The following CNTN4 variants were observed in gnomAD, a reference collection of about 807,000 sequenced individuals.
CNTN4 encodes contactin-4.
A neutral mutation model predicts 122.5 loss-of-function variants in CNTN4; 77 were observed. The observed-to-expected ratio is 0.63, with a 90% CI of 0.52 to 0.76. The LOEUF (loss-of-function observed/expected upper bound fraction) is 0.76, where lower values mean the gene tolerates loss of function less well. Ranked by LOEUF, CNTN4 falls within the 30% of genes least tolerant of loss-of-function variation. The pLI is 0.00. For synonymous variants in CNTN4, 512 were observed against 447.0 expected (o/e 1.15, Z -1.83); for missense variants, 1,256 against 1,259.1 (o/e 1.00, Z 0.04).
At chr3:2,188,746 C>G (rs2037390742) in intron 2 of CNTN4, among the ~76,000 whole-genome samples, 1 of 152,112 alleles carries the variant, frequency 6.6e-6, no homozygotes, top group Non-Finnish European at 1.5e-5. Flanking sequence ...GGGTGGGAAA[C>G]AGGTTGCAGC....
intron 13 of CNTN4, among the ~76,000 whole-genome samples, chr3:2,942,608 T>C (rs1022720064): frequency 2.0e-5 from 3 of 152,124 alleles, no homozygotes; most frequent in Non-Finnish European, 4.4e-5. Flanking sequence ...AATATAGAGC[T>C]TTTTAATGGT....
chr3:3,054,415 A>G (rs551535700), intron 24 of CNTN4, among the ~76,000 whole-genome samples: 6 of 152,212 alleles, frequency 3.9e-5, no homozygotes, highest in African/African-American at 1.4e-4. Context: ...GGAATTTACT[A>G]CTTATTTTCA....
chr3:2,950,129 A>G (rs989093801), intron 13 of CNTN4, among the ~76,000 whole-genome samples: 4 of 152,222 alleles, frequency 2.6e-5, no homozygotes, highest in African/African-American at 9.6e-5. Flanking sequence ...GTGGACTTGC[A>G]GAGACTCATG....
chr3:2,142,762 G>A (rs1233438047), intron 2 of CNTN4, among the ~76,000 whole-genome samples: 1 of 152,218 alleles, frequency 6.6e-6, no homozygotes, highest in African/African-American at 2.4e-5. Context: ...GGGGCTGGAG[G>A]AGGAGAAGAA....
At chr3:2,280,443 A>G (rs1042443734) in intron 2 of CNTN4, among the ~76,000 whole-genome samples, 2 of 152,218 alleles carry the variant, frequency 1.3e-5, no homozygotes, top group African/African-American at 4.8e-5. Flanking sequence ...TCAAGTAACA[A>G]AAATCTTAAT....
At position 3,043,118 on chromosome 3, in the gene CNTN4, A is replaced by G. The variant is rs1158325939; in HGVS notation, c.2653A>G (p.Thr885Ala). Reference protein sequence around the residue: ...LAVKAYNSAGTGPSSATVNVT... With the variant: ...LAVKAYNSAGAGPSSATVNVT... The stretch of plus-strand genomic sequence containing the variant: ...TGTCAAGGCATATAATTCTGCTGGG[A>G]CAGGCCCCTCTAGTGCAACAGTCAA... The change falls in exon 22 of 25, where the codon ACA becomes GCA. Residue 885 changes from threonine to alanine, a missense_variant. Physicochemically the swap from Thr to Ala is moderately conservative, Grantham distance 58 (BLOSUM62 0). Transcript: ENST00000418658. 6.2e-7 allele frequency: 1 copy of G among 1,614,224 alleles called. No homozygotes were observed. The highest frequency in any genetic ancestry group is 2.2e-5 in the East Asian group (1 of 44,888).
intron 5 of CNTN4, among the ~76,000 whole-genome samples, chr3:2,736,915 C>T (rs911724246): frequency 5.3e-5 from 8 of 152,132 alleles, no homozygotes; most frequent in African/African-American, 1.9e-4. Context: ...TCCTGAGTAG[C>T]TAGGATTACA....
intron 4 of CNTN4, among the ~76,000 whole-genome samples, chr3:2,592,517 T>G (rs1313748078): frequency 6.6e-6 from 1 of 152,114 alleles, no homozygotes; most frequent in Non-Finnish European, 1.5e-5. Flanking sequence ...TCTTTCCCAT[T>G]GCTGTTCTCA....
At chr3:3,031,750 C>G (rs1365962203) in intron 16 of CNTN4, among the ~76,000 whole-genome samples, 1 of 152,132 alleles carries the variant, frequency 6.6e-6, no homozygotes, top group South Asian at 2.1e-4. Context: ...CAGGGGTTTT[C>G]TATAGCATTA....
At chr3:2,810,959 A>G (rs1468494599) in intron 6 of CNTN4, among the ~76,000 whole-genome samples, 1 of 152,068 alleles carries the variant, frequency 6.6e-6, no homozygotes, top group Non-Finnish European at 1.5e-5. Context: ...TTTACTCTGA[A>G]ATAAGTGTAT....
chr3:2,947,868 G>A (rs1226413276), intron 13 of CNTN4, among the ~76,000 whole-genome samples: 2 of 152,110 alleles, frequency 1.3e-5, no homozygotes, highest in Admixed American at 1.3e-4. Context: ...AATTAAACTT[G>A]CCTTTTAGGC....
At chr3:2,513,146 AG>A (rs1423949453) in intron 3 of CNTN4, among the ~76,000 whole-genome samples, 1 of 152,326 alleles carries the variant, frequency 6.6e-6, no homozygotes, top group African/African-American at 2.4e-5. Context: ...TCTGGAAAAA[AG>A]TAAGTGTGCA....
At chr3:2,661,443 G>A (rs887760898) in intron 4 of CNTN4, among the ~76,000 whole-genome samples, 8 of 151,878 alleles carry the variant, frequency 5.3e-5, no homozygotes, top group African/African-American at 1.9e-4. Context: ...AAACATGCTC[G>A]ATGGATCACT....
chr3:2,174,861 A>T (rs2036681175), intron 2 of CNTN4, among the ~76,000 whole-genome samples: 1 of 152,084 alleles, frequency 6.6e-6, no homozygotes, highest in African/African-American at 2.4e-5. Context: ...GGAGCAAGAG[A>T]GTGGGGAAGT....
chr3:2,759,610 A>G (rs1490777540), intron 6 of CNTN4, among the ~76,000 whole-genome samples: 2 of 151,684 alleles, frequency 1.3e-5, no homozygotes, highest in African/African-American at 2.4e-5. Context: ...TTGCGGACAC[A>G]TGTATTTTCA....
rs372526897 is a variant in CNTN4 at position 3,053,923 on chromosome 3, C to T, written c.2928C>T (p.Ser976=). The change falls in exon 24 of 25, where the codon AGC becomes AGT. Residue 976 remains serine, a synonymous_variant. Coordinates refer to ENST00000418658, the MANE Select transcript of CNTN4 (RefSeq NM_175607.3). The part of the protein sequence containing the change: ...EDYIIEIKPF[S]DGGDGSSSEQ... ...ATATAATAGAAATTAAGCCATTCAG[C>T]GACGGAGGAGATGGCAGCAGCAGTG... 206 of 1,613,976 alleles carry T rather than the reference C, an allele frequency of 1.3e-4. No homozygotes were observed. Among genetic ancestry groups the T allele is most frequent in the Non-Finnish European group, 1.5e-4 (180 of 1,179,986 alleles).
At chr3:2,428,332 G>C (rs946912265) in intron 3 of CNTN4, among the ~76,000 whole-genome samples, 1 of 152,120 alleles carries the variant, frequency 6.6e-6, no homozygotes, top group Non-Finnish European at 1.5e-5. Context: ...CACTTATGAA[G>C]CTTAGTTTGG....
chr3:2,942,520 T>C (rs2151514010), intron 13 of CNTN4, among the ~76,000 whole-genome samples: 1 of 152,340 alleles, frequency 6.6e-6, no homozygotes, highest in East Asian at 1.9e-4. Context: ...TAGATGTGCC[T>C]TATAATTTTC....
At chr3:2,303,080 T>C (rs2042581369) in intron 2 of CNTN4, among the ~76,000 whole-genome samples, 1 of 152,322 alleles carries the variant, frequency 6.6e-6, no homozygotes, top group Non-Finnish European at 1.5e-5. Flanking sequence ...GTATAGATAC[T>C]GTTAACATCT....
Sources: allele counts gnomAD v4.1 joint callset (sites outside exome capture counted in the v4.1 genomes callset), GRCh38; gene constraint gnomAD v4.1.1; transcripts MANE v1.5; gene names NCBI Gene and HGNC (gene_info 2026-07-23, HGNC 2026-07-21).